AFTPH: variants seen among roughly 807,000 people sequenced by gnomAD.
AFTPH encodes aftiphilin.
AFTPH carries 7 observed loss-of-function variants against 72.5 expected under a neutral mutation model. That is an observed-to-expected ratio of 0.10 (90% CI 0.05 to 0.18). The LOEUF is 0.18. AFTPH is among the 10% of genes least tolerant of loss of function. The pLI is 1.00. For synonymous variants in AFTPH, 337 were observed against 370.1 expected (o/e 0.91, Z 1.03); for missense variants, 979 against 1,060.5 (o/e 0.92, Z 1.07).
At chr2:64,550,673 G>T (rs1348522746) in intron 1 of AFTPH, among the ~76,000 whole-genome samples, 1 of 99,748 alleles carries the variant, frequency 1.0e-5, no homozygotes. Flanking sequence ...AGAACTGTAC[G>T]CATGCACACA....
chr2:64,586,075 C>T (rs1673484570), intron 8 of AFTPH, among the ~76,000 whole-genome samples: 1 of 152,220 alleles, frequency 6.6e-6, no homozygotes, highest in Non-Finnish European at 1.5e-5. Flanking sequence ...CAATTACCAT[C>T]TCCCTGTGTT....
chr2:64,578,673 T>G (rs1407128615), intron 6 of AFTPH, among the ~76,000 whole-genome samples: 1 of 151,988 alleles, frequency 6.6e-6, no homozygotes, highest in East Asian at 1.9e-4. Context: ...TTCTCCTGCC[T>G]CAGCCTCCCA....
intron 1 of AFTPH, chr2:64,525,692 C>T (rs1170664883): frequency 6.6e-6 from 1 of 152,194 alleles, no homozygotes; most frequent in East Asian, 1.9e-4. Context: ...ATATGCTAAA[C>T]TCTAGGGACA....
At chr2:64,572,279 G>C (rs1168641257) in intron 5 of AFTPH, among the ~76,000 whole-genome samples, 1 of 150,948 alleles carries the variant, frequency 6.6e-6, no homozygotes, top group Non-Finnish European at 1.5e-5. Context: ...CCTGTAAGAT[G>C]TTCTTCCTCT....
intron 2 of AFTPH, among the ~76,000 whole-genome samples, chr2:64,563,190 A>G (rs554160338): frequency 4.1e-4 from 62 of 152,336 alleles, no homozygotes; most frequent in African/African-American, 1.4e-3. Flanking sequence ...TCCAAGTTTA[A>G]TATTTTACTT....
chr2:64,562,919 C>A (rs1671826947), intron 2 of AFTPH, among the ~76,000 whole-genome samples: 1 of 152,214 alleles, frequency 6.6e-6, no homozygotes, highest in Non-Finnish European at 1.5e-5. Flanking sequence ...TTCACCAATT[C>A]TAAATAATAA....
chr2:64,536,774 G>A lies in AFTPH; in HGVS notation c.-33+12162G>A, dbSNP rs534904610. Among the ~76,000 whole-genome samples, 27 of 151,482 alleles carry A rather than the reference G, an allele frequency of 1.8e-4. No individual in the cohort carries two copies. The South Asian group carries it at 5.4e-3, about 30-fold the overall frequency. On this transcript the variant is annotated intron_variant, in intron 1 of 8. Transcript: ENST00000238856. ...TTGAGACCAGCCTGGGCAACATGGC[G>A]AAACACTGTCTCTACAAAAAATTTA...
At chr2:64,588,228 GT>G (rs1673624185) in intron 8 of AFTPH, among the ~76,000 whole-genome samples, 1 of 152,082 alleles carries the variant, frequency 6.6e-6, no homozygotes, top group East Asian at 1.9e-4. Flanking sequence ...TTGTGTCTCG[GT>G]TTTGCTTAGC....
intron 3 of AFTPH, 133 bp from the exon 4 acceptor site, chr2:64,568,959 A>ACGT: frequency 1.0e-6 from 1 of 974,092 alleles, no homozygotes. Flanking sequence ...GATTTCATTC[A>ACGT]AATAGTTATA....
intron 7 of AFTPH, among the ~76,000 whole-genome samples, chr2:64,584,146 A>T (rs758255369): frequency 4.6e-5 from 7 of 151,826 alleles, no homozygotes; most frequent in Non-Finnish European, 1.0e-4. Flanking sequence ...TTTTTTTCTC[A>T]AGTTATTTGC....
At position 64,538,785 on chromosome 2, in the gene AFTPH, A is replaced by T. The variant is rs78355165; in HGVS notation, c.-32-12658A>T. 2.8e-3 allele frequency among the ~76,000 whole-genome samples: 421 copies of T among 152,318 alleles called. 2 individuals are homozygous for T. Among genetic ancestry groups the T allele is most frequent in the African/African-American group, 8.5e-3 (354 of 41,572 alleles). ...ATTTGTGAGTTGTAGATTATGTAGG[A>T]CATCGTTGCTTACTTTCTTAGTGGC... On this transcript the variant is annotated intron_variant, in intron 1 of 8. Transcript: ENST00000238856.
intron 6 of AFTPH, among the ~76,000 whole-genome samples, chr2:64,574,989 C>T (rs1227062716): frequency 6.6e-6 from 1 of 152,206 alleles, no homozygotes; most frequent in Non-Finnish European, 1.5e-5. Context: ...ATACTTGGTA[C>T]ATTCACTGAA....
At chr2:64,560,983 C>T (rs1042987847) in intron 2 of AFTPH, among the ~76,000 whole-genome samples, 5 of 152,180 alleles carry the variant, frequency 3.3e-5, no homozygotes, top group African/African-American at 4.8e-5. Context: ...ATTCTGAGAG[C>T]GAAAGCTCCT....
intron 4 of AFTPH, 144 bp downstream of exon 4, chr2:64,569,362 G>A: frequency 8.4e-7 from 1 of 1,183,744 alleles, no homozygotes; most frequent in African/African-American, 1.6e-5. Flanking sequence ...TGAATGTGCT[G>A]ACTTTTAAAC....
At chr2:64,537,847 A>C (rs1669977768) in intron 1 of AFTPH, among the ~76,000 whole-genome samples, 1 of 152,198 alleles carries the variant, frequency 6.6e-6, no homozygotes, top group Non-Finnish European at 1.5e-5. Context: ...TTAAGAATGC[A>C]TTTTGTCTTT....
intron 1 of AFTPH, among the ~76,000 whole-genome samples, chr2:64,529,892 G>A (rs548720116): frequency 1.5e-3 from 231 of 152,256 alleles, no homozygotes; most frequent in African/African-American, 5.4e-3. Context: ...AGTGGCTCAC[G>A]CATGTAATCC....
At chr2:64,546,351 A>G (rs1670618838) in intron 1 of AFTPH, among the ~76,000 whole-genome samples, 2 of 152,232 alleles carry the variant, frequency 1.3e-5, no homozygotes, top group African/African-American at 4.8e-5. Flanking sequence ...GTCTCTAGCA[A>G]ACGGGGCATA....
intron 1 of AFTPH, among the ~76,000 whole-genome samples, chr2:64,527,572 C>T (rs540992986): frequency 7.8e-6 from 1 of 128,180 alleles, no homozygotes; most frequent in South Asian, 2.5e-4. Context: ...AAGAGCAAAA[C>T]ATCATCTCAA....
At position 64,546,172 on chromosome 2, in the gene AFTPH, C is replaced by T. The variant is rs894149629; in HGVS notation, c.-32-5271C>T. ...CCTCCCAAAGCGCTGGGATTACAGG[C>T]GTGAGCCACTGCACCCAGCCCTTTT... is the stretch of plus-strand genomic sequence containing the variant. On this transcript the variant is annotated intron_variant, in intron 1 of 8. Coordinates refer to ENST00000238856, the Ensembl canonical transcript of AFTPH. Among the ~76,000 whole-genome samples, 12 of 150,700 alleles carry T rather than the reference C, an allele frequency of 8.0e-5. No individual in the cohort carries two copies. In the South Asian group the frequency reaches 1.9e-3, roughly 24 times the overall value.
Sources: allele counts gnomAD v4.1 joint callset (sites outside exome capture counted in the v4.1 genomes callset), GRCh38; gene constraint gnomAD v4.1.1; transcripts MANE v1.5; gene names NCBI Gene and HGNC (gene_info 2026-07-23, HGNC 2026-07-21).